The following DIS3L variants were observed in gnomAD, a reference collection of about 807,000 sequenced individuals.
The protein encoded by DIS3L is DIS3 like exosome 3'-5' exoribonuclease.
A neutral mutation model predicts 120.3 loss-of-function variants in DIS3L; 100 were observed. The observed-to-expected ratio is 0.83, with a 90% CI of 0.71 to 0.98. DIS3L has a LOEUF of 0.98. Ranked by LOEUF, DIS3L falls within the 50% of genes least tolerant of loss-of-function variation. DIS3L has a pLI of 0.00. For synonymous variants in DIS3L, 426 were observed against 470.6 expected (o/e 0.91, Z 1.23); for missense variants, 1,196 against 1,314.2 (o/e 0.91, Z 1.39).
At position 66,332,025 on chromosome 15, in the gene DIS3L, G is replaced by A; in HGVS notation, c.2681+5G>A. ...TGTGCTTCTATTTATACCAAGGTAT[G>A]TTACATCTAATGCAATGGTGCATAA... On this transcript the variant is annotated splice_donor_5th_base_variant and intron_variant, in intron 15 of 16. Coordinates refer to ENST00000319212, the MANE Select transcript of DIS3L (RefSeq NM_001143688.3). 3.1e-6 allele frequency: 5 copies of A among 1,605,010 alleles called. No homozygotes were observed. Among genetic ancestry groups the A allele is most frequent in the Non-Finnish European group, 4.2e-6 (5 of 1,177,956 alleles).
Position 66,333,384 on chromosome 15 carries a change from G to A in DIS3L, c.*72G>A. On this transcript the variant is annotated 3_prime_UTR_variant, in exon 17 of 17. Coordinates refer to ENST00000319212, the MANE Select transcript of DIS3L (RefSeq NM_001143688.3). ...TCTTTTCAAACTTAACATTTAATGT[G>A]TGTCACTCAGTGCTCTAGTCGATCA... 1 of 1,432,270 alleles carries A rather than the reference G, an allele frequency of 7.0e-7. No individual in the cohort carries two copies. The highest frequency in any genetic ancestry group is 9.5e-7 in the Non-Finnish European group (1 of 1,057,390). The allele number at this position is 1,432,270 out of a possible 1,614,324, so 88.7% of individuals were successfully genotyped here. A position where few individuals can be genotyped will look rare whatever the true frequency, so the allele number is the denominator to read the frequency against.
At chr15:66,329,544 A>T in intron 14 of DIS3L, 145 bp downstream of exon 14, 1 of 1,340,234 alleles carries the variant, frequency 7.5e-7, no homozygotes, top group Non-Finnish European at 9.6e-7. Context: ...ACATTTGTAG[A>T]TGTTCTCAGG....
At chr15:66,296,487 A>G (rs950504337) in intron 2 of DIS3L, among the ~76,000 whole-genome samples, 3 of 151,074 alleles carry the variant, frequency 2.0e-5, no homozygotes, top group Non-Finnish European at 4.4e-5. Context: ...TCTTAGTTCC[A>G]GGCCTTGGGG....
intron 11 of DIS3L, among the ~76,000 whole-genome samples, chr15:66,323,891 T>C (rs1159454989): frequency 6.6e-6 from 1 of 152,224 alleles, no homozygotes; most frequent in Non-Finnish European, 1.5e-5. Context: ...TGTAGCTTTG[T>C]GCTTATGCAT....
At chr15:66,293,873 G>A (rs2092552150) in intron 1 of DIS3L, 138 bp downstream of exon 1, 1 of 856,764 alleles carries the variant, frequency 1.2e-6, no homozygotes, top group Non-Finnish European at 1.3e-6. Flanking sequence ...CCGCTCGCCG[G>A]CCTCACCCCC....
intron 12 of DIS3L, among the ~76,000 whole-genome samples, chr15:66,328,151 A>G (rs539925344): frequency 1.3e-5 from 2 of 152,346 alleles, no homozygotes; most frequent in South Asian, 2.1e-4. Context: ...AGATAAGTCA[A>G]TTAAGTCTGA....
At chr15:66,299,712 CCTAAGTGTATAA>C (rs1410532944) in intron 2 of DIS3L, among the ~76,000 whole-genome samples, 1 of 152,048 alleles carries the variant, frequency 6.6e-6, no homozygotes, top group African/African-American at 2.4e-5. Flanking sequence ...TATAAAACTT[CCTAAGTGTATAA>C]CTAAGAGAAT....
chr15:66,332,817 GA>G lies in DIS3L; in HGVS notation c.2766del (p.Lys922AsnfsTer30). On this transcript the variant is annotated frameshift_variant, in exon 16 of 17. Coordinates refer to ENST00000319212, the MANE Select transcript of DIS3L (RefSeq NM_001143688.3). LOFTEE classifies it high-confidence loss of function. ...GTGGCCCAGATAGCTGTTCTGAATG[GA>G]AACCAGGATCCCTTCAACGATTTCA... ...SCGPDSCSEW[K>X]PGSLQRFQNK... 1.9e-6 allele frequency: 3 copies of G among 1,613,974 alleles called. No individual in the cohort carries two copies. The highest frequency in any genetic ancestry group is 2.5e-6 in the Non-Finnish European group (3 of 1,179,968).
rs150813215 is a variant in DIS3L, at chr15:66,323,736, C to A, written c.1667+151C>A. 939 of 698,660 alleles carry A rather than the reference C, an allele frequency of 1.3e-3. 8 individuals carry two copies. In the African/African-American group the frequency reaches 0.015, roughly 11 times the overall value. The allele number at this position is 698,660 out of a possible 1,614,324, so 43.3% of individuals were successfully genotyped here. ...CTCTCAACCTCACCCCCGACCCCAA[C>A]CCCACACCACTTATCTTTAGGCAGC... is the stretch of plus-strand genomic sequence containing the variant. On this transcript the variant is annotated intron_variant, in intron 11 of 16. Coordinates refer to ENST00000319212, the MANE Select transcript of DIS3L (RefSeq NM_001143688.3).
intron 2 of DIS3L, among the ~76,000 whole-genome samples, chr15:66,306,457 G>A (rs2092703358): frequency 6.6e-6 from 1 of 152,200 alleles, no homozygotes; most frequent in Non-Finnish European, 1.5e-5. Flanking sequence ...CAAAAATAAA[G>A]TGCTAAACTC....
rs1026329061 is a variant in DIS3L, at chr15:66,332,825, G to A, written c.2771G>A (p.Gly924Glu). ...GPDSCSEWKP[G>E]SLQRFQNKIT... ...GATAGCTGTTCTGAATGGAAACCAG[G>A]ATCCCTTCAACGATTTCAAAACAAA... Residue 924 changes from glycine to glutamate, a missense_variant, in exon 16 of 17, where the codon GGA (glycine) becomes GAA (glutamate). Gly to Glu is a moderately conservative substitution (Grantham distance 98). Coordinates refer to ENST00000319212, the MANE Select transcript of DIS3L (RefSeq NM_001143688.3). The A allele has an allele frequency of 6.2e-7, 1 of 1,613,846 alleles. No homozygotes were observed. Among genetic ancestry groups the A allele is most frequent in the African/African-American group, 1.3e-5 (1 of 74,882 alleles).
At chr15:66,306,167 G>T (rs1364126817) in intron 2 of DIS3L, among the ~76,000 whole-genome samples, 8 of 152,108 alleles carry the variant, frequency 5.3e-5, no homozygotes, top group Non-Finnish European at 5.9e-5. Flanking sequence ...TAGAGACAGG[G>T]TCTCCTTATG....
rs1036121229 is a variant in DIS3L, at chr15:66,311,748, G to A, written c.583G>A (p.Asp195Asn). ...GAATTACCTGGACAATTTCTGGCCT[G>A]ATTTAAAAGCTGCCCACGAGCTTTG... ...FKNYLDNFWP[D>N]LKAAHELCDS... Residue 195 changes from aspartate to asparagine, a missense_variant, in exon 5 of 17, where the codon GAT becomes AAT. Asp to Asn is a conservative substitution (Grantham distance 23). Coordinates refer to ENST00000319212, the MANE Select transcript of DIS3L (RefSeq NM_001143688.3). 1.2e-6 allele frequency: 2 copies of A among 1,614,082 alleles called. No homozygotes were observed. Among genetic ancestry groups the A allele is most frequent in the Non-Finnish European group, 1.7e-6 (2 of 1,179,982 alleles).
chr15:66,316,158 T>C (rs2092814572), intron 7 of DIS3L, among the ~76,000 whole-genome samples: 2 of 152,208 alleles, frequency 1.3e-5, no homozygotes, highest in South Asian at 4.1e-4. Flanking sequence ...CATCTTCCCC[T>C]GGACGTCTAA....
At chr15:66,331,830 A>G (rs761252213) in intron 14 of DIS3L, 45 bp from the exon 15 acceptor site, 7 of 1,449,596 alleles carry the variant, frequency 4.8e-6, no homozygotes, top group Non-Finnish European at 6.4e-6. Context: ...TCTTTGGGGA[A>G]TGCCAGGGGA....
In DIS3L at chr15:66,311,050, T is replaced by TAA. The variant is rs34815047; in HGVS notation, c.559-652_559-651dup. ...GGCAACAGAGCAAGACCCTGTCCCTTAAAAAAAAAAAAAAAAAAAAAAAGA... is the reference window on the plus strand; with the variant it reads ...GGCAACAGAGCAAGACCCTGTCCCTTAAAAAAAAAAAAAAAAAAAAAAAAAGA... On this transcript the variant is annotated intron_variant, in intron 4 of 16. Transcript: ENST00000319212. Among the ~76,000 whole-genome samples the TAA allele has an allele frequency of 4.6e-3, 407 of 88,560 alleles. 14 individuals carry two copies. Among genetic ancestry groups the TAA allele is most frequent in the African/African-American group, 0.018 (385 of 21,644 alleles). 58.1% of individuals were successfully genotyped at this position (88,560 alleles called of 152,430 possible).
chr15:66,323,829 C>G (rs2092910814), intron 11 of DIS3L, among the ~76,000 whole-genome samples: 2 of 152,146 alleles, frequency 1.3e-5, no homozygotes, highest in African/African-American at 4.8e-5. Context: ...GGCTCTGCGT[C>G]TCCCTCTGTT....
chr15:66,294,057 C>T (rs1221047563), intron 1 of DIS3L: 2 of 986,554 alleles, frequency 2.0e-6, no homozygotes, highest in Admixed American at 1.2e-4. Context: ...GCCGAGGCCT[C>T]CTCCCGCCGC....
At chr15:66,304,089 C>CAAAAAAAAAAAAAAAAAAAAAAAAAAA (rs34711611) in intron 2 of DIS3L, among the ~76,000 whole-genome samples, 1 of 72,640 alleles carries the variant, frequency 1.4e-5, no homozygotes, top group Non-Finnish European at 2.6e-5. Flanking sequence ...GACTCTGTTT[C>CAAAAAAAAAAAAAAAAAAAAAAAAAAA]AAAAAAAAAA....
Sources: allele counts gnomAD v4.1 joint callset (sites outside exome capture counted in the v4.1 genomes callset), GRCh38; gene constraint gnomAD v4.1.1; transcripts MANE v1.5; gene names NCBI Gene and HGNC (gene_info 2026-07-23, HGNC 2026-07-21).